The following SGIP1 variants were observed in gnomAD, a reference collection of about 807,000 sequenced individuals.
SGIP1 encodes SH3GL interacting endocytic adaptor 1, also known as SH3-containing GRB2-like protein 3-interacting protein 1.
In SGIP1, 38 loss-of-function variants were observed where a neutral mutation model predicts 107.5. The ratio of observed to expected loss-of-function variants is 0.35; its 90% CI spans 0.27 to 0.46. SGIP1 has a LOEUF of 0.46. Ranked by LOEUF, SGIP1 falls within the 20% of genes least tolerant of loss-of-function variation. SGIP1 has a pLI of 1.00. For missense variants in SGIP1, 929 were observed against 1,019.5 expected, an observed-to-expected ratio of 0.91 and a Z score of 1.21; for synonymous variants, 365 against 366.1, an observed-to-expected ratio of 1.00 and a Z score of 0.03.
At position 66,690,211 on chromosome 1, in the gene SGIP1, A is replaced by G; in HGVS notation, c.1465A>G (p.Ile489Val). ...ACAGTCCAGACCTTTTAGCCCTCCCATTCATTCTTCCAGCCCTCCTCCAAT... is the reference window on the plus strand; with the variant it reads ...ACAGTCCAGACCTTTTAGCCCTCCCGTTCATTCTTCCAGCCCTCCTCCAAT... ...GDVSRPFSPP[I>V]HSSSPPPIAP... is the part of the protein sequence containing the mutation. The change falls in exon 17 of 25, where the codon ATT becomes GTT. Residue 489 changes from isoleucine (I) to valine (V), a missense_variant. Coordinates refer to ENST00000371037, the MANE Select transcript of SGIP1 (RefSeq NM_032291.4). 1 of 1,614,148 alleles carries G rather than the reference A, an allele frequency of 6.2e-7. No homozygotes were observed.
intron 21 of SGIP1, among the ~76,000 whole-genome samples, chr1:66,738,888 C>T (rs903832765): frequency 6.6e-6 from 1 of 152,166 alleles, no homozygotes; most frequent in Admixed American, 6.5e-5. Context: ...AAAAACACCT[C>T]CTTCAATCTT....
intron 17 of SGIP1, chr1:66,695,102 C>T (rs2090609324): frequency 2.3e-6 from 1 of 436,272 alleles, no homozygotes; most frequent in Non-Finnish European, 4.0e-6. Flanking sequence ...TGACAGTTTG[C>T]CCAAATTAGT....
At chr1:66,577,719 CTAAT>C (rs2061263390) in intron 1 of SGIP1, among the ~76,000 whole-genome samples, 1 of 151,378 alleles carries the variant, frequency 6.6e-6, no homozygotes. Context: ...AATAGATACA[CTAAT>C]TATCAGTTTA....
At chr1:66,535,331 C>A (rs777394184) in intron 1 of SGIP1, among the ~76,000 whole-genome samples, 2 of 152,280 alleles carry the variant, frequency 1.3e-5, no homozygotes, top group Middle Eastern at 3.4e-3. Flanking sequence ...TGTCCCCAGC[C>A]TGGATTTCAC....
chr1:66,723,563 GCTCT>G (rs1477764313), intron 19 of SGIP1, among the ~76,000 whole-genome samples: 1 of 152,070 alleles, frequency 6.6e-6, no homozygotes, highest in Admixed American at 6.5e-5. Flanking sequence ...AGGTTACTCG[GCTCT>G]CTCTTATCCT....
At chr1:66,608,462 AT>A (rs755023507) in intron 1 of SGIP1, among the ~76,000 whole-genome samples, 6 of 152,230 alleles carry the variant, frequency 3.9e-5, no homozygotes, top group African/African-American at 7.2e-5. Context: ...GAAAAGTTAC[AT>A]TTTTGTAACT....
rs763391918 is a variant in SGIP1 at position 66,643,711 on chromosome 1, T to C, written c.451T>C (p.Ser151Pro). The C allele has an allele frequency of 1.9e-6, 3 of 1,607,710 alleles. No individual in the cohort carries two copies. The South Asian group carries it at 3.3e-5, about 18-fold the overall frequency. Residue 151 changes from serine (S) to proline (P), a missense_variant, in exon 7 of 25, where the codon TCA becomes CCA. Physicochemically the swap from Ser to Pro is moderately conservative, Grantham distance 74 (BLOSUM62 -1). Coordinates refer to ENST00000371037, the MANE Select transcript of SGIP1 (RefSeq NM_032291.4). ...AATAGGCAACATCGCACTTTCCCCA[T>C]CACCAGTGGTGAGTGTTGTGTGTGT... ...ASIGNIALSP[S>P]PVRKSPRRSP...
At chr1:66,713,613 T>C (rs1487651503) in intron 18 of SGIP1, among the ~76,000 whole-genome samples, 1 of 152,146 alleles carries the variant, frequency 6.6e-6, no homozygotes, top group Non-Finnish European at 1.5e-5. Context: ...ATGTAGTGTT[T>C]CATTTGTAGT....
At chr1:66,708,546 A>G (rs1450787549) in intron 18 of SGIP1, among the ~76,000 whole-genome samples, 1 of 152,188 alleles carries the variant, frequency 6.6e-6, no homozygotes, top group African/African-American at 2.4e-5. Flanking sequence ...TTCATATTTA[A>G]CAATAGTATT....
At chr1:66,591,410 T>C (rs1239582279) in intron 1 of SGIP1, among the ~76,000 whole-genome samples, 1 of 152,238 alleles carries the variant, frequency 6.6e-6, no homozygotes, top group African/African-American at 2.4e-5. Flanking sequence ...TTCCTTCTTT[T>C]TCCAGTCCTG....
At chr1:66,593,769 C>T (rs111594816) in intron 1 of SGIP1, among the ~76,000 whole-genome samples, 7,725 of 152,020 alleles carry the variant, frequency 0.051, 600 homozygotes, top group African/African-American at 0.17. Flanking sequence ...ACCCTGTCAC[C>T]AAAAAAGATA....
At chr1:66,592,871 T>C (rs967990390) in intron 1 of SGIP1, among the ~76,000 whole-genome samples, 8 of 140,404 alleles carry the variant, frequency 5.7e-5, no homozygotes, top group African/African-American at 1.9e-4. Flanking sequence ...TTCCTTCCTT[T>C]CTTTCCTTCT....
chr1:66,745,171 T>G lies in SGIP1; in HGVS notation c.*2076T>G, dbSNP rs1304042566. On this transcript the variant is annotated 3_prime_UTR_variant, in exon 25 of 25. Transcript: ENST00000371037. ...GAATTAGTAATTAAACACAAGGGTT[T>G]TTTTCCCAAAAAATAATTTTACTGA... The G allele has an allele frequency of 6.6e-6, 1 of 151,972 alleles. No homozygotes were observed. The highest frequency in any genetic ancestry group is 1.5e-5 in the Non-Finnish European group (1 of 67,886). 9.4% of individuals were successfully genotyped at this position (151,972 alleles called of 1,614,324 possible). A position where few individuals can be genotyped will look rare whatever the true frequency, so the allele number is the denominator to read the frequency against.
chr1:66,750,301 A>G lies in SGIP1; in HGVS notation c.*7206A>G, dbSNP rs1340698857. On this transcript the variant is annotated 3_prime_UTR_variant, in exon 25 of 25. Transcript: ENST00000371037. ...TATAGTAAAAGATCATATGAATTAA[A>G]TACTCGGATATTAATTTTCATTCTT... Among the ~76,000 whole-genome samples, 1 of 152,194 alleles carries G rather than the reference A, an allele frequency of 6.6e-6. No homozygotes were observed. Among genetic ancestry groups the G allele is most frequent in the Non-Finnish European group, 1.5e-5 (1 of 68,034 alleles).
intron 1 of SGIP1, among the ~76,000 whole-genome samples, chr1:66,606,234 G>A (rs555471530): frequency 3.2e-4 from 48 of 152,222 alleles, no homozygotes; most frequent in Admixed American, 6.5e-4. Flanking sequence ...TGTAAAAAGC[G>A]CATGGATAAT....
chr1:66,604,742 G>T (rs1320255209), intron 1 of SGIP1, among the ~76,000 whole-genome samples: 1 of 152,194 alleles, frequency 6.6e-6, no homozygotes, highest in Non-Finnish European at 1.5e-5. Flanking sequence ...TGGGTTAACT[G>T]GTTGTTTGTA....
intron 18 of SGIP1, among the ~76,000 whole-genome samples, chr1:66,706,835 A>G (rs2092554881): frequency 6.6e-6 from 1 of 152,158 alleles, no homozygotes; most frequent in Non-Finnish European, 1.5e-5. Context: ...ATAATTATGC[A>G]TCCTTTTATT....
chr1:66,717,496 C>G (rs1392140957), intron 18 of SGIP1, among the ~76,000 whole-genome samples: 1 of 152,154 alleles, frequency 6.6e-6, no homozygotes, highest in Non-Finnish European at 1.5e-5. Flanking sequence ...GGTCTCATTA[C>G]AGAAGCTAAT....
At chr1:66,729,548 A>G in intron 20 of SGIP1, 129 bp downstream of exon 20, 1 of 1,234,178 alleles carries the variant, frequency 8.1e-7, no homozygotes, top group East Asian at 2.4e-5. Context: ...ATATTTGTAG[A>G]TTCAAGCACA....
Sources: gnomAD v4.1 joint callset for allele counts (sites outside exome capture counted in the v4.1 genomes callset) on GRCh38, gnomAD v4.1.1 for gene constraint, MANE v1.5 for transcripts, NCBI Gene and HGNC (gene_info 2026-07-23, HGNC 2026-07-21) for gene names.